Variants in CLSTN2 observed in about 807,000 individuals in gnomAD.
The protein encoded by CLSTN2 is calsyntenin 2.
In CLSTN2, 48 loss-of-function variants were observed where a neutral mutation model predicts 101.2. That is an observed-to-expected ratio of 0.47 (90% confidence interval 0.38 to 0.60). The LOEUF is 0.60. Among genes scored for constraint, CLSTN2 ranks in the 20% least tolerant of loss-of-function variants. The pLI, the probability that CLSTN2 is intolerant of heterozygous loss-of-function variation, is 0.00. For missense variants in CLSTN2, 1,160 were observed against 1,238.2 expected (o/e 0.94, Z 0.95); for synonymous variants, 481 against 463.6 (o/e 1.04, Z -0.48).
At chr3:140,387,825 C>T (rs2088069953) in intron 2 of CLSTN2, among the ~76,000 whole-genome samples, 1 of 152,170 alleles carries the variant, frequency 6.6e-6, no homozygotes, top group African/African-American at 2.4e-5. Context: ...ACGTGGGCTA[C>T]ATTTTGGTAT....
intron 8 of CLSTN2, among the ~76,000 whole-genome samples, chr3:140,491,036 A>G (rs897888812): frequency 1.3e-5 from 2 of 152,246 alleles, no homozygotes; most frequent in Non-Finnish European, 2.9e-5. Context: ...CCCGTAAGTC[A>G]TACGTCCCTA....
intron 1 of CLSTN2, among the ~76,000 whole-genome samples, chr3:140,122,387 C>T (rs758685768): frequency 1.3e-5 from 2 of 152,156 alleles, no homozygotes; most frequent in Non-Finnish European, 2.9e-5. Context: ...ACATTTGGTA[C>T]ACAACAGAGG....
chr3:140,172,462 C>T (rs1240799451), intron 1 of CLSTN2, among the ~76,000 whole-genome samples: 1 of 152,104 alleles, frequency 6.6e-6, no homozygotes, highest in Non-Finnish European at 1.5e-5. Flanking sequence ...ACTGGGTTCT[C>T]ACCAGATGAG....
rs1351846115 is a variant in CLSTN2 at position 140,171,682 on chromosome 3, T to TA, written c.110-4268dup. Among the ~76,000 whole-genome samples the TA allele has an allele frequency of 7.5e-3, 58 of 7,724 alleles. 2 individuals are homozygous for TA. The East Asian group carries it at 0.5, about 67-fold the overall frequency. The allele number at this position is 7,724 out of a possible 152,430, so 5.1% of individuals were successfully genotyped here. A position where few individuals can be genotyped will look rare whatever the true frequency, so the allele number is the denominator to read the frequency against. On this transcript the variant is annotated intron_variant, in intron 1 of 16. Coordinates refer to ENST00000458420, the MANE Select transcript of CLSTN2 (RefSeq NM_022131.3). ...TATATTATATATAATATGTATTATA[T>TA]ATAATATATATTAATATATAATATG...
chr3:140,457,828 A>G (rs1316998451), intron 6 of CLSTN2, among the ~76,000 whole-genome samples: 1 of 152,198 alleles, frequency 6.6e-6, no homozygotes, highest in Non-Finnish European at 1.5e-5. Context: ...ACTCATGTAA[A>G]TGATGCCGTC....
chr3:140,217,118 G>A (rs57309864), intron 2 of CLSTN2, among the ~76,000 whole-genome samples: 3,574 of 152,190 alleles, frequency 0.023, 124 homozygotes, highest in African/African-American at 0.079. Context: ...ACATTCTTGT[G>A]GAAGGAGAGG....
At chr3:139,981,058 G>A (rs1293962178) in intron 1 of CLSTN2, among the ~76,000 whole-genome samples, 1 of 152,016 alleles carries the variant, frequency 6.6e-6, no homozygotes, top group African/African-American at 2.4e-5. Context: ...GTGTGGGTTT[G>A]ATTGGGCAAT....
chr3:140,209,938 A>G (rs896837899), intron 2 of CLSTN2, among the ~76,000 whole-genome samples: 4 of 152,198 alleles, frequency 2.6e-5, no homozygotes, highest in African/African-American at 9.7e-5. Context: ...GAGGCCATTC[A>G]GGTGCTCATA....
chr3:140,395,819 C>G (rs183100250), intron 2 of CLSTN2, among the ~76,000 whole-genome samples: 145 of 152,282 alleles, frequency 9.5e-4, no homozygotes, highest in Non-Finnish European at 8.4e-4. Context: ...ATCCACTCAG[C>G]CCTCTGGCAG....
At chr3:139,937,857 T>C (rs892500778) in intron 1 of CLSTN2, among the ~76,000 whole-genome samples, 6 of 152,082 alleles carry the variant, frequency 3.9e-5, no homozygotes, top group African/African-American at 1.4e-4. Context: ...CTCGCTTCTT[T>C]CCCCTTCCAA....
intron 2 of CLSTN2, among the ~76,000 whole-genome samples, chr3:140,178,180 G>C (rs75318378): frequency 1.3e-5 from 2 of 152,038 alleles, no homozygotes; most frequent in Non-Finnish European, 2.9e-5. Flanking sequence ...AACCGAAGTC[G>C]TTGAATAAGC....
At chr3:140,351,256 G>A (rs2087602594) in intron 2 of CLSTN2, among the ~76,000 whole-genome samples, 1 of 152,102 alleles carries the variant, frequency 6.6e-6, no homozygotes. Context: ...GAACCAGCAG[G>A]ATAACAAAAT....
intron 2 of CLSTN2, among the ~76,000 whole-genome samples, chr3:140,196,101 G>A (rs1003878917): frequency 2.0e-5 from 3 of 152,174 alleles, no homozygotes. Flanking sequence ...GAATCCAAAG[G>A]CATCTTTCGT....
At chr3:140,563,624 A>G (rs1935967489) in intron 15 of CLSTN2, among the ~76,000 whole-genome samples, 1 of 152,212 alleles carries the variant, frequency 6.6e-6, no homozygotes, top group Non-Finnish European at 1.5e-5. Flanking sequence ...TAAACTCTAC[A>G]GTGCTTGGCT....
intron 2 of CLSTN2, among the ~76,000 whole-genome samples, chr3:140,251,786 C>A (rs1170291680): frequency 6.6e-6 from 1 of 151,950 alleles, no homozygotes; most frequent in Admixed American, 6.6e-5. Flanking sequence ...GTGAGGGGAA[C>A]AAAGAAGTAA....
intron 1 of CLSTN2, among the ~76,000 whole-genome samples, chr3:140,148,725 G>A (rs890523904): frequency 6.6e-6 from 1 of 152,186 alleles, no homozygotes; most frequent in African/African-American, 2.4e-5. Flanking sequence ...AAGAAGTGCA[G>A]GTCATTTATG....
chr3:139,996,860 C>T (rs2006674921), intron 1 of CLSTN2, among the ~76,000 whole-genome samples: 1 of 151,712 alleles, frequency 6.6e-6, no homozygotes, highest in African/African-American at 2.4e-5. Flanking sequence ...TCAGCCTGAC[C>T]AACATGAAGA....
At chr3:140,230,963 C>G (rs937392943) in intron 2 of CLSTN2, among the ~76,000 whole-genome samples, 5 of 152,134 alleles carry the variant, frequency 3.3e-5, no homozygotes, top group African/African-American at 1.2e-4. Context: ...GTGAGGTCAG[C>G]CTGGCAGTTT....
intron 1 of CLSTN2, among the ~76,000 whole-genome samples, chr3:140,030,812 C>A (rs774633535): frequency 5.3e-5 from 8 of 152,202 alleles, no homozygotes; most frequent in Admixed American, 2.0e-4. Context: ...TCACTAAGTA[C>A]CCAAAATGGC....
Sources: allele counts gnomAD v4.1 joint callset (sites outside exome capture counted in the v4.1 genomes callset), GRCh38; gene constraint gnomAD v4.1.1; transcripts MANE v1.5; gene names NCBI Gene and HGNC (gene_info 2026-07-23, HGNC 2026-07-21).